The following ADGRF4 variants were observed in gnomAD, a reference collection of about 807,000 sequenced individuals.
ADGRF4 encodes the protein adhesion G protein-coupled receptor F4.
A neutral mutation model predicts 58.5 loss-of-function variants in ADGRF4; 63 were observed. The ratio of observed to expected loss-of-function variants is 1.08; its 90% CI spans 0.88 to 1.33. ADGRF4 has a LOEUF of 1.33. Ranked by LOEUF, ADGRF4 falls within the 40% of genes most tolerant of loss-of-function variation. The probability of loss-of-function intolerance (pLI) is 0.00; values close to 1 mark genes in which losing one functional copy is unlikely to be tolerated. For synonymous variants in ADGRF4, 313 were observed against 295.4 expected (o/e 1.06, Z -0.61); for missense variants, 931 against 843.9 (o/e 1.10, Z -1.28).
At chr6:47,713,046 G>A (rs931777841) in intron 5 of ADGRF4, among the ~76,000 whole-genome samples, 3 of 152,210 alleles carry the variant, frequency 2.0e-5, no homozygotes, top group Non-Finnish European at 2.9e-5. Context: ...TGCAGCATTA[G>A]ATTCTCGTAG....
intron 3 of ADGRF4, among the ~76,000 whole-genome samples, 169 bp from the exon 4 acceptor site, chr6:47,710,566 G>T (rs1224996305): frequency 6.6e-6 from 1 of 152,102 alleles, no homozygotes; most frequent in Non-Finnish European, 1.5e-5. Flanking sequence ...GATACCAGCT[G>T]CACAATCTAC....
chr6:47,707,184 T>C (rs1771730554), intron 1 of ADGRF4, 46 bp from the exon 2 acceptor site: 1 of 1,032,248 alleles, frequency 9.7e-7, no homozygotes, highest in Admixed American at 1.7e-5. Context: ...GTTAGTTGCG[T>C]GAAGTTGTCA....
intron 6 of ADGRF4, 127 bp downstream of exon 6, chr6:47,715,304 A>G (rs1771989220): frequency 4.0e-6 from 3 of 742,238 alleles, no homozygotes; most frequent in Admixed American, 2.6e-5. Context: ...TTATTTGGCT[A>G]TGGCATCTGT....
chr6:47,714,260 A>G lies in ADGRF4; in HGVS notation c.1015A>G (p.Ile339Val), dbSNP rs889362852. Residue 339 changes from isoleucine (I) to valine (V), a missense_variant, in exon 6 of 10, where the codon ATC becomes GTC. Physicochemically the swap from Ile to Val is conservative, Grantham distance 29 (BLOSUM62 3). Transcript: ENST00000283303. ...LQEIILTFEK[I>V]NKTRNARAQC... is the part of the protein sequence containing the mutation. ...AGAAATCATACTCACCTTCGAAAAG[A>G]TCAATAAAACCCGCAATGCCAGAGC... 2 of 1,614,192 alleles carry G rather than the reference A, an allele frequency of 1.2e-6. No homozygotes were observed.
intron 9 of ADGRF4, among the ~76,000 whole-genome samples, chr6:47,720,124 C>T (rs1287439452): frequency 6.6e-6 from 1 of 152,092 alleles, no homozygotes. Context: ...ACAAAGATTA[C>T]AGTACAGGGC....
chr6:47,709,644 G>A (rs1204718458), intron 3 of ADGRF4, among the ~76,000 whole-genome samples: 3 of 152,092 alleles, frequency 2.0e-5, no homozygotes, highest in African/African-American at 4.8e-5. Flanking sequence ...TTGCATATTT[G>A]CCTAATGCTG....
intron 3 of ADGRF4, 129 bp from the exon 4 acceptor site, chr6:47,710,606 C>A (rs1447201549): frequency 2.4e-5 from 19 of 807,404 alleles, no homozygotes; most frequent in Admixed American, 5.7e-5. Context: ...GCCGTGGACC[C>A]AGTTCAACCC....
chr6:47,705,788 T>G (rs1486568533), intron 1 of ADGRF4, among the ~76,000 whole-genome samples: 1 of 152,212 alleles, frequency 6.6e-6, no homozygotes, highest in Non-Finnish European at 1.5e-5. Flanking sequence ...TCATCTCTAC[T>G]GGATCATAAG....
At chr6:47,713,339 T>A (rs1028107138) in intron 5 of ADGRF4, among the ~76,000 whole-genome samples, 10 of 152,206 alleles carry the variant, frequency 6.6e-5, no homozygotes, top group Admixed American at 6.5e-4. Flanking sequence ...AGGTTCTGAG[T>A]TAAACAAAGT....
chr6:47,717,277 T>A lies in ADGRF4; in HGVS notation c.1975-15T>A. On this transcript the variant is annotated splice_polypyrimidine_tract_variant and intron_variant, in intron 7 of 9. Transcript: ENST00000283303. ...AACATCTGTGAGGTACTTCTCATTG[T>A]CATTGCTTCTTTAGATAAGAGATGC... The A allele has an allele frequency of 6.3e-7, 1 of 1,591,902 alleles. No individual in the cohort carries two copies.
chr6:47,716,532 C>T (rs1772022902), intron 6 of ADGRF4, among the ~76,000 whole-genome samples: 1 of 152,182 alleles, frequency 6.6e-6, no homozygotes, highest in Non-Finnish European at 1.5e-5. Flanking sequence ...AGTAACATAA[C>T]TGCATAAGGC....
chr6:47,712,864 C>T (rs1057461057), intron 5 of ADGRF4, among the ~76,000 whole-genome samples: 1 of 152,146 alleles, frequency 6.6e-6, no homozygotes, highest in East Asian at 1.9e-4. Context: ...TGGCTATGAG[C>T]AAGACGGAAT....
chr6:47,710,127 A>G (rs1380816854), intron 3 of ADGRF4, among the ~76,000 whole-genome samples: 1 of 152,214 alleles, frequency 6.6e-6, no homozygotes, highest in Non-Finnish European at 1.5e-5. Flanking sequence ...AGTTGATGAA[A>G]TTGTTGTAAG....
At chr6:47,717,907 C>T (rs780124867) in intron 8 of ADGRF4, among the ~76,000 whole-genome samples, 8 of 152,194 alleles carry the variant, frequency 5.3e-5, no homozygotes, top group Non-Finnish European at 8.8e-5. Flanking sequence ...GGCTATCAGT[C>T]TCTTAAGGCA....
rs1272218146 is a variant in ADGRF4, at chr6:47,712,370, C to A, written c.314C>A (p.Ala105Glu). 1.2e-6 allele frequency: 2 copies of A among 1,613,842 alleles called. No individual in the cohort carries two copies. The highest frequency in any genetic ancestry group is 2.7e-5 in the African/African-American group (2 of 74,938). The change falls in exon 5 of 10, where the codon GCA becomes GAA. Residue 105 changes from alanine to glutamate, a missense_variant. Coordinates refer to ENST00000283303, the MANE Select transcript of ADGRF4 (RefSeq NM_153838.5). ...VEKLFKDSTGASRLSVAAPSI... is the reference protein window; with the variant it reads ...VEKLFKDSTGESRLSVAAPSI... ...TGTTTTAAACAGGACTCAACTGGTG[C>A]ATCTCGCCTTTCTGTAGCAGCACCA...
At chr6:47,699,089 G>A (rs1353181077) in intron 1 of ADGRF4, among the ~76,000 whole-genome samples, 1 of 152,110 alleles carries the variant, frequency 6.6e-6, no homozygotes, top group Non-Finnish European at 1.5e-5. Flanking sequence ...TCCCTGCATT[G>A]TCCCCTTGCT....
intron 5 of ADGRF4, among the ~76,000 whole-genome samples, chr6:47,713,285 G>A (rs1194317521): frequency 1.3e-5 from 2 of 152,074 alleles, no homozygotes; most frequent in East Asian, 3.9e-4. Context: ...AGTTAATGGA[G>A]ATTCCATTTT....
At chr6:47,710,942 C>G (rs944056) in intron 4 of ADGRF4, 56 bp downstream of exon 4, 1,325,898 of 1,521,060 alleles carry the variant, frequency 0.87, 579,530 homozygotes, top group Admixed American at 0.91. Flanking sequence ...AGAAAGTAGA[C>G]ACATTTTTAA....
intron 9 of ADGRF4, among the ~76,000 whole-genome samples, chr6:47,719,266 T>C (rs546695331): frequency 1.3e-5 from 2 of 152,078 alleles, no homozygotes; most frequent in East Asian, 1.9e-4. Context: ...CTACAAACCA[T>C]ATGCTGTGCT....
Sources: allele counts gnomAD v4.1 joint callset (sites outside exome capture counted in the v4.1 genomes callset), GRCh38; gene constraint gnomAD v4.1.1; transcripts MANE v1.5; gene names NCBI Gene and HGNC (gene_info 2026-07-23, HGNC 2026-07-21).